The following HPSE2 variants were observed in gnomAD, a reference collection of about 807,000 sequenced individuals.
HPSE2 encodes the protein heparanase 2 (inactive), also known as inactive heparanase-2.
HPSE2 carries 38 observed loss-of-function variants against 60.5 expected under a neutral mutation model. The ratio of observed to expected loss-of-function variants is 0.63; its 90% CI spans 0.48 to 0.82. HPSE2 has a LOEUF of 0.82. Ranked by LOEUF, HPSE2 falls within the 40% of genes least tolerant of loss-of-function variation. The pLI, the probability that HPSE2 is intolerant of heterozygous loss-of-function variation, is 0.00. For missense variants in HPSE2, 713 were observed against 740.4 expected (o/e 0.96, Z 0.43); for synonymous variants, 295 against 293.2 (o/e 1.01, Z -0.06).
chr10:99,232,552 A>G (rs1849692493), intron 1 of HPSE2, 47 bp from the exon 2 acceptor site: 3 of 1,545,138 alleles, frequency 1.9e-6, no homozygotes, highest in Non-Finnish European at 2.6e-6. Flanking sequence ...GGACAGGACG[A>G]GAGCGCGTGG....
At chr10:99,262,509 GGCAACTGATCAT>G in the HPSE2 span, among the ~76,000 whole-genome samples, 2 of 151,776 alleles carry the variant, frequency 1.3e-5, no homozygotes, top group Non-Finnish European at 1.5e-5. Flanking sequence ...CTCCCTCCTT[GGCAACTGATCAT>G]GCACCCCTTA....
chr10:99,130,131 T>C (rs1432193194), intron 3 of HPSE2, among the ~76,000 whole-genome samples: 1 of 152,054 alleles, frequency 6.6e-6, no homozygotes, highest in Non-Finnish European at 1.5e-5. Flanking sequence ...ATTGAAATGG[T>C]AATTTAAAAA....
chr10:98,554,261 G>A (rs1943941981), intron 9 of HPSE2, among the ~76,000 whole-genome samples: 1 of 152,134 alleles, frequency 6.6e-6, no homozygotes, highest in African/African-American at 2.4e-5. Context: ...CATGGACTCA[G>A]GCACCTCTCA....
At chr10:98,942,821 G>A (rs1230782217) in intron 3 of HPSE2, among the ~76,000 whole-genome samples, 1 of 151,810 alleles carries the variant, frequency 6.6e-6, no homozygotes, top group Non-Finnish European at 1.5e-5. Context: ...GCAAAGACTT[G>A]GAACCAACCC....
intron 3 of HPSE2, among the ~76,000 whole-genome samples, chr10:98,951,329 T>C (rs1442955782): frequency 6.6e-6 from 1 of 152,144 alleles, no homozygotes; most frequent in Non-Finnish European, 1.5e-5. Flanking sequence ...TTTTATTTTG[T>C]TTTTACAAGA....
the HPSE2 span, among the ~76,000 whole-genome samples, chr10:99,271,394 G>GAAACA: frequency 2.8e-4 from 43 of 152,082 alleles, no homozygotes; most frequent in African/African-American, 8.2e-4. Context: ...CAATAGCTGT[G>GAAACA]AAACAAAACA....
At chr10:98,896,603 T>A (rs1308509839) in intron 3 of HPSE2, among the ~76,000 whole-genome samples, 1 of 152,038 alleles carries the variant, frequency 6.6e-6, no homozygotes, top group East Asian at 1.9e-4. Flanking sequence ...AGAAAAGCAA[T>A]TTAAGCCTAA....
intron 11 of HPSE2, among the ~76,000 whole-genome samples, chr10:98,463,315 C>T (rs56976912): frequency 0.019 from 2,935 of 152,308 alleles, 58 homozygotes; most frequent in African/African-American, 0.047. Flanking sequence ...CCCCCTCCAA[C>T]GCTCACTGTG....
At chr10:98,764,561 A>G (rs879350951) in intron 3 of HPSE2, among the ~76,000 whole-genome samples, 4 of 152,204 alleles carry the variant, frequency 2.6e-5, no homozygotes, top group Non-Finnish European at 4.4e-5. Context: ...AATAGGTTAA[A>G]AGGATGGATA....
At position 99,232,613 on chromosome 10, in the gene HPSE2, C is replaced by T. The variant is rs1166269798; in HGVS notation, c.291-108G>A. On this transcript the variant is annotated intron_variant, in intron 1 of 11. Transcript: ENST00000370552. Reference sequence around the variant, plus strand: ...CTCCCTGAGGGCGACCTGGCCGGGGCTAGAGGCTCTGTGCCTGCCCCAGCC... The same window carrying T: ...CTCCCTGAGGGCGACCTGGCCGGGGTTAGAGGCTCTGTGCCTGCCCCAGCC... 19 of 1,277,752 alleles carry T rather than the reference C, an allele frequency of 1.5e-5. No homozygotes were observed. In the East Asian group the frequency reaches 4.8e-4, roughly 32 times the overall value. 79.2% of individuals were successfully genotyped at this position (1,277,752 alleles called of 1,614,324 possible).
chr10:98,830,779 A>C (rs994997291), intron 3 of HPSE2, among the ~76,000 whole-genome samples: 1 of 152,202 alleles, frequency 6.6e-6, no homozygotes, highest in Non-Finnish European at 1.5e-5. Flanking sequence ...AAAGGCACCC[A>C]TTTCAGCCCT....
chr10:98,809,029 G>A (rs188645886), intron 3 of HPSE2, among the ~76,000 whole-genome samples: 3 of 152,212 alleles, frequency 2.0e-5, no homozygotes, highest in Admixed American at 6.5e-5. Context: ...ATGTATTACA[G>A]TATCGTCCAG....
the HPSE2 span, among the ~76,000 whole-genome samples, chr10:99,293,827 A>G: frequency 5.9e-5 from 9 of 152,228 alleles, no homozygotes; most frequent in Non-Finnish European, 1.0e-4. Context: ...AGAGGAAAAT[A>G]TGTGCAGGGC....
At chr10:98,665,696 A>G (rs1947344969) in intron 6 of HPSE2, among the ~76,000 whole-genome samples, 2 of 152,192 alleles carry the variant, frequency 1.3e-5, no homozygotes, top group Admixed American at 1.3e-4. Flanking sequence ...CAGCTTCATA[A>G]GCAAAGGAGG....
At chr10:99,285,799 C>G in the HPSE2 span, among the ~76,000 whole-genome samples, 1 of 151,998 alleles carries the variant, frequency 6.6e-6, no homozygotes, top group Admixed American at 6.5e-5. Context: ...GTGGCACATG[C>G]CTATAATCCC....
chr10:99,209,984 A>G (rs1297635861), intron 2 of HPSE2, among the ~76,000 whole-genome samples: 1 of 152,222 alleles, frequency 6.6e-6, no homozygotes, highest in Admixed American at 6.5e-5. Flanking sequence ...CACTGCGCCC[A>G]GCCTTAGAGC....
At chr10:99,263,534 A>C in the HPSE2 span, among the ~76,000 whole-genome samples, 1 of 152,224 alleles carries the variant, frequency 6.6e-6, no homozygotes, top group Non-Finnish European at 1.5e-5. Flanking sequence ...ATTCACTGCA[A>C]GGGCCATCAA....
At chr10:98,846,879 A>G (rs1952047984) in intron 3 of HPSE2, among the ~76,000 whole-genome samples, 1 of 152,134 alleles carries the variant, frequency 6.6e-6, no homozygotes, top group Non-Finnish European at 1.5e-5. Flanking sequence ...GCTCTGACAC[A>G]TTGTTTCCAA....
At chr10:98,495,440 T>G (rs1028082669) in intron 9 of HPSE2, among the ~76,000 whole-genome samples, 17 of 152,244 alleles carry the variant, frequency 1.1e-4, no homozygotes, top group African/African-American at 4.1e-4. Context: ...TTGAGACGTT[T>G]TCAGCCATTA....
Sources: allele counts gnomAD v4.1 joint callset (sites outside exome capture counted in the v4.1 genomes callset), GRCh38; gene constraint gnomAD v4.1.1; transcripts MANE v1.5; gene names NCBI Gene and HGNC (gene_info 2026-07-23, HGNC 2026-07-21).